Variants in ROBO2 observed in about 807,000 individuals in gnomAD.
ROBO2 encodes roundabout guidance receptor 2, also known as roundabout homolog 2.
ROBO2 carries 53 observed loss-of-function variants against 160.8 expected under a neutral mutation model. That is an observed-to-expected ratio of 0.33 (90% confidence interval 0.26 to 0.41). ROBO2 has a LOEUF of 0.41. ROBO2 is among the 10% of genes least tolerant of loss of function. The probability of loss-of-function intolerance (pLI) is 1.00; values close to 1 mark genes in which losing one functional copy is unlikely to be tolerated. For synonymous variants in ROBO2, 664 were observed against 611.7 expected (o/e 1.09, Z -1.26); for missense variants, 1,577 against 1,722.4 (o/e 0.92, Z 1.49).
intron 2 of ROBO2, among the ~76,000 whole-genome samples, chr3:76,350,746 A>G (rs1340920703): frequency 1.3e-5 from 2 of 152,000 alleles, no homozygotes; most frequent in Non-Finnish European, 2.9e-5. Flanking sequence ...GTCTACAGCC[A>G]AAGAGAAATC....
At chr3:77,529,094 C>T (rs1216282963) in intron 6 of ROBO2, among the ~76,000 whole-genome samples, 1 of 150,956 alleles carries the variant, frequency 6.6e-6, no homozygotes, top group African/African-American at 2.4e-5. Flanking sequence ...GAAATTCACT[C>T]ATTTATGTGT....
intron 2 of ROBO2, among the ~76,000 whole-genome samples, chr3:76,930,343 A>T (rs2077257935): frequency 1.3e-5 from 2 of 152,140 alleles, no homozygotes; most frequent in Admixed American, 6.5e-5. Context: ...CTTTGTGCAC[A>T]GCTTTCTCCC....
chr3:76,820,987 G>A (rs2066073299), intron 2 of ROBO2, among the ~76,000 whole-genome samples: 2 of 151,838 alleles, frequency 1.3e-5, no homozygotes, highest in Admixed American at 1.3e-4. Flanking sequence ...ATCAACACTT[G>A]GAAGCTGGTG....
intron 2 of ROBO2, among the ~76,000 whole-genome samples, chr3:77,236,570 A>G (rs373189319): frequency 8.5e-5 from 13 of 152,206 alleles, no homozygotes; most frequent in East Asian, 7.7e-4. Context: ...TTTGGTTTAC[A>G]TGGGTACACT....
intron 2 of ROBO2, among the ~76,000 whole-genome samples, chr3:76,295,921 C>T (rs895115703): frequency 2.0e-5 from 3 of 152,100 alleles, no homozygotes; most frequent in Admixed American, 1.3e-4. Context: ...TACTGCAAAC[C>T]AACTCCACCC....
chr3:75,941,889 C>G (rs1948071324), intron 2 of ROBO2, among the ~76,000 whole-genome samples: 1 of 152,072 alleles, frequency 6.6e-6, no homozygotes. Flanking sequence ...TTTTGTATTT[C>G]ATTGTTACAC....
rs189601093 is a variant in ROBO2 at position 77,059,137 on chromosome 3, C to G, written c.61+18291C>G. 3.3e-5 allele frequency among the ~76,000 whole-genome samples: 5 copies of G among 152,150 alleles called. No homozygotes were observed. In the East Asian group the frequency reaches 9.7e-4, roughly 29 times the overall value. On this transcript the variant is annotated intron_variant, in intron 1 of 25. Transcript: ENST00000461745. ...AATTTAGATTTTTGTGCCTGGAGAA[C>G]TCCCTGGGGAAGTAACAATTATGTT...
chr3:76,877,257 G>T (rs562755357), intron 2 of ROBO2, among the ~76,000 whole-genome samples: 1 of 152,290 alleles, frequency 6.6e-6, no homozygotes, highest in East Asian at 1.9e-4. Context: ...TCTTAGAAGT[G>T]CTCTGGTTCT....
At chr3:76,454,822 A>T (rs1169881517) in intron 2 of ROBO2, among the ~76,000 whole-genome samples, 1 of 152,146 alleles carries the variant, frequency 6.6e-6, no homozygotes, top group Admixed American at 6.6e-5. Flanking sequence ...GCTATATGTT[A>T]TATGTATATA....
chr3:77,502,170 A>T (rs1309298411), intron 5 of ROBO2, among the ~76,000 whole-genome samples: 3 of 152,146 alleles, frequency 2.0e-5, no homozygotes, highest in Admixed American at 2.0e-4. Flanking sequence ...CAAAGTCCAC[A>T]CTTTTGGCTA....
At position 76,220,743 on chromosome 3, in the gene ROBO2, A is replaced by G. The variant is rs563443940; in HGVS notation, c.109+283141A>G. On this transcript the variant is annotated intron_variant, in intron 2 of 26. Transcript: ENST00000487694. ...AAAAGAAAGAAAACAAACATATTTG[A>G]TGAAAACACACACACACACACACAG... Among the ~76,000 whole-genome samples the G allele has an allele frequency of 1.6e-4, 25 of 151,682 alleles. No homozygotes were observed. The East Asian group carries it at 4.4e-3, about 27-fold the overall frequency.
At chr3:76,569,503 T>C (rs1170733273) in intron 2 of ROBO2, among the ~76,000 whole-genome samples, 1 of 152,026 alleles carries the variant, frequency 6.6e-6, no homozygotes, top group Non-Finnish European at 1.5e-5. Context: ...GACTTTAGGA[T>C]TGTGAAATTA....
intron 1 of ROBO2, among the ~76,000 whole-genome samples, chr3:77,059,083 G>A (rs2066036156): frequency 6.6e-6 from 1 of 152,120 alleles, no homozygotes; most frequent in Non-Finnish European, 1.5e-5. Context: ...AAAATATAGG[G>A]TGTCATAAGC....
intron 2 of ROBO2, among the ~76,000 whole-genome samples, chr3:76,503,471 G>A (rs1175745851): frequency 1.3e-5 from 2 of 152,142 alleles, no homozygotes; most frequent in Non-Finnish European, 2.9e-5. Context: ...AAAGGAAAAA[G>A]TATCGGTATA....
chr3:77,173,705 A>C (rs2079858618), intron 2 of ROBO2, among the ~76,000 whole-genome samples: 1 of 152,172 alleles, frequency 6.6e-6, no homozygotes, highest in Non-Finnish European at 1.5e-5. Context: ...TTCTTAAAAA[A>C]ATCAGTTATT....
chr3:76,898,641 A>G (rs1024973225), intron 2 of ROBO2, among the ~76,000 whole-genome samples: 2 of 152,108 alleles, frequency 1.3e-5, no homozygotes, highest in African/African-American at 2.4e-5. Context: ...AATGGAGTCA[A>G]CCGACCCCCA....
intron 1 of ROBO2, among the ~76,000 whole-genome samples, chr3:75,934,798 A>AT (rs1406942920): frequency 1.3e-5 from 2 of 152,204 alleles, no homozygotes; most frequent in Non-Finnish European, 2.9e-5. Flanking sequence ...GTGTTTTGAG[A>AT]TTTTTTTCAA....
chr3:76,761,748 A>G (rs963494568), intron 2 of ROBO2, among the ~76,000 whole-genome samples: 1 of 151,684 alleles, frequency 6.6e-6, no homozygotes, highest in Non-Finnish European at 1.5e-5. Context: ...AATAGTCAAC[A>G]TGTCTTGATA....
At chr3:77,381,039 G>A (rs1162654565) in intron 2 of ROBO2, among the ~76,000 whole-genome samples, 1 of 152,148 alleles carries the variant, frequency 6.6e-6, no homozygotes, top group Non-Finnish European at 1.5e-5. Context: ...ATTTTGGCAG[G>A]GCGCAGTGGC....
Sources: gnomAD v4.1 joint callset for allele counts (sites outside exome capture counted in the v4.1 genomes callset) on GRCh38, gnomAD v4.1.1 for gene constraint, MANE v1.5 for transcripts, NCBI Gene and HGNC (gene_info 2026-07-23, HGNC 2026-07-21) for gene names.